AGBL1: variants seen among roughly 807,000 people sequenced by gnomAD.
AGBL1 encodes the protein cytosolic carboxypeptidase 4.
A neutral mutation model predicts 118.9 loss-of-function variants in AGBL1; 130 were observed. That is an observed-to-expected ratio of 1.09 (90% CI 0.95 to 1.26). The LOEUF (loss-of-function observed/expected upper bound fraction) is 1.26. Ranked by LOEUF, AGBL1 falls within the 50% of genes most tolerant of loss-of-function variation. The pLI, the probability that AGBL1 is intolerant of heterozygous loss-of-function variation, is 0.00. For missense variants in AGBL1, 1,584 were observed against 1,298.1 expected (o/e 1.22, Z -3.38); for synonymous variants, 555 against 478.9 (o/e 1.16, Z -2.08).
chr15:86,696,172 G>T (rs766087500), intron 22 of AGBL1, among the ~76,000 whole-genome samples: 1 of 151,994 alleles, frequency 6.6e-6, no homozygotes, highest in Non-Finnish European at 1.5e-5. Flanking sequence ...AGTGCTGTCA[G>T]TGGAGTATTG....
intron 5 of AGBL1, among the ~76,000 whole-genome samples, chr15:86,165,765 T>C (rs1489081633): frequency 6.6e-6 from 1 of 152,016 alleles, no homozygotes; most frequent in Admixed American, 6.6e-5. Context: ...TCCAGAGCAC[T>C]CCAATTCAAA....
At chr15:86,501,008 T>C (rs2082911809) in intron 18 of AGBL1, among the ~76,000 whole-genome samples, 1 of 151,706 alleles carries the variant, frequency 6.6e-6, no homozygotes, top group South Asian at 2.1e-4. Flanking sequence ...CTCTTGGATA[T>C]ATATCCAGGA....
At chr15:86,402,342 T>C (rs2081461624) in intron 18 of AGBL1, among the ~76,000 whole-genome samples, 1 of 152,106 alleles carries the variant, frequency 6.6e-6, no homozygotes, top group Non-Finnish European at 1.5e-5. Context: ...TGATTAGATG[T>C]AGGAGCTCTT....
In AGBL1 at chr15:86,743,284, A is replaced by G. The variant is rs554682730; in HGVS notation, c.3158+68848A>G. On this transcript the variant is annotated intron_variant, in intron 22 of 22. Transcript: ENST00000614907. ...TTGACCCAACATTTGTTATAATGGA[A>G]GGAAGGAAGAATATCTCTCTGACTG... is the stretch of plus-strand genomic sequence containing the variant. Among the ~76,000 whole-genome samples the G allele has an allele frequency of 4.6e-5, 7 of 152,236 alleles. No individual in the cohort carries two copies. The South Asian group carries it at 1.5e-3, about 32-fold the overall frequency.
chr15:86,992,102 T>G lies in AGBL1; in HGVS notation c.3323+4014T>G, dbSNP rs138062344. On this transcript the variant is annotated intron_variant, in intron 24 of 24. Transcript: ENST00000441037. ...TTCTGGTGAGAGGCCTCAAGGAGCT[T>G]CTACTCATGGCAGAAGGGGAAGTGG... Among the ~76,000 whole-genome samples, 24 of 152,144 alleles carry G rather than the reference T, an allele frequency of 1.6e-4. No individual in the cohort carries two copies. In the East Asian group the frequency reaches 4.3e-3, roughly 27 times the overall value.
intron 6 of AGBL1, among the ~76,000 whole-genome samples, chr15:86,240,167 A>G (rs1218913869): frequency 6.6e-6 from 1 of 152,234 alleles, no homozygotes; most frequent in East Asian, 1.9e-4. Context: ...GAGGGAAAGT[A>G]ATACTTATCT....
intron 3 of AGBL1, among the ~76,000 whole-genome samples, chr15:86,151,919 T>C (rs1478931420): frequency 2.6e-5 from 4 of 152,160 alleles, no homozygotes; most frequent in Admixed American, 2.6e-4. Context: ...CCATTCACAA[T>C]TGCTACAAAG....
chr15:86,129,808 T>A (rs2076795897), intron 1 of AGBL1, among the ~76,000 whole-genome samples: 1 of 152,154 alleles, frequency 6.6e-6, no homozygotes, highest in East Asian at 1.9e-4. Flanking sequence ...AGTAACTCGT[T>A]GATAGATTCT....
chr15:86,985,883 G>A (rs140937728), intron 23 of AGBL1, among the ~76,000 whole-genome samples: 1 of 151,776 alleles, frequency 6.6e-6, no homozygotes, highest in East Asian at 1.9e-4. Flanking sequence ...TGTATGCAAT[G>A]TGAATTGTCA....
At chr15:86,249,878 A>T (rs62013829) in intron 7 of AGBL1, among the ~76,000 whole-genome samples, 4,305 of 152,360 alleles carry the variant, frequency 0.028, 75 homozygotes, top group Middle Eastern at 0.051. Flanking sequence ...ATGAGGTGCT[A>T]TGAATCTGTG....
intron 22 of AGBL1, among the ~76,000 whole-genome samples, chr15:86,790,846 G>T (rs1163808167): frequency 1.3e-5 from 2 of 151,916 alleles, no homozygotes; most frequent in Non-Finnish European, 2.9e-5. Flanking sequence ...ACACCGTATG[G>T]CTTCTGTAAC....
At chr15:86,881,833 G>T (rs2079896013) in intron 22 of AGBL1, among the ~76,000 whole-genome samples, 1 of 152,074 alleles carries the variant, frequency 6.6e-6, no homozygotes, top group African/African-American at 2.4e-5. Flanking sequence ...ATGGAGTTTT[G>T]CCATGTGGGC....
chr15:86,721,233 C>T (rs191527256), intron 22 of AGBL1, among the ~76,000 whole-genome samples: 35 of 152,182 alleles, frequency 2.3e-4, no homozygotes, highest in Admixed American at 9.2e-4. Flanking sequence ...TGATGAACAT[C>T]GATGCAAAAA....
intron 5 of AGBL1, among the ~76,000 whole-genome samples, chr15:86,177,636 A>C (rs557169653): frequency 1.3e-5 from 2 of 152,350 alleles, no homozygotes; most frequent in South Asian, 2.1e-4. Flanking sequence ...AACAACAGAA[A>C]GGTTTCTGTA....
At chr15:86,356,832 C>T (rs757895203) in intron 17 of AGBL1, among the ~76,000 whole-genome samples, 25 of 152,174 alleles carry the variant, frequency 1.6e-4, no homozygotes, top group Non-Finnish European at 3.4e-4. Flanking sequence ...CAAGGCGATG[C>T]AGATTCTCAT....
intron 17 of AGBL1, among the ~76,000 whole-genome samples, chr15:86,353,925 T>C (rs867640768): frequency 1.1e-4 from 16 of 152,228 alleles, no homozygotes; most frequent in Non-Finnish European, 8.8e-5. Flanking sequence ...TGATATATCC[T>C]TGAAAAAGTA....
chr15:86,087,579 C>T (rs1215990801), intron 1 of AGBL1, among the ~76,000 whole-genome samples: 3 of 152,178 alleles, frequency 2.0e-5, no homozygotes, highest in Non-Finnish European at 4.4e-5. Context: ...ATCTGCCCTC[C>T]TCAGCCTCCC....
At chr15:86,137,513 G>A (rs1219199786) in intron 1 of AGBL1, among the ~76,000 whole-genome samples, 1 of 152,116 alleles carries the variant, frequency 6.6e-6, no homozygotes, top group Non-Finnish European at 1.5e-5. Flanking sequence ...AGTTGATCTG[G>A]TGGCTTACCA....
At position 86,788,309 on chromosome 15, in the gene AGBL1, G is replaced by A. The variant is rs571162349; in HGVS notation, c.3158+113873G>A. On this transcript the variant is annotated intron_variant, in intron 22 of 22. Transcript: ENST00000614907. ...TGTTATTTTATTTAGCAGATTCCTA[G>A]TAAACACATACTATATGCCAGGCTG... Among the ~76,000 whole-genome samples, 198 of 152,262 alleles carry A rather than the reference G, an allele frequency of 1.3e-3. 5 individuals carry two copies. The South Asian group carries it at 0.038, about 29-fold the overall frequency.
Sources: allele counts gnomAD v4.1 joint callset (sites outside exome capture counted in the v4.1 genomes callset), GRCh38; gene constraint gnomAD v4.1.1; transcripts MANE v1.5; gene names NCBI Gene and HGNC (gene_info 2026-07-23, HGNC 2026-07-21).